SEMA3C: variants seen among roughly 807,000 people sequenced by gnomAD.
The protein encoded by SEMA3C is semaphorin-3C.
In SEMA3C, 47 loss-of-function variants were observed where a neutral mutation model predicts 89.4. The observed-to-expected ratio is 0.53, with a 90% CI of 0.42 to 0.67. The LOEUF (loss-of-function observed/expected upper bound fraction) is 0.67. SEMA3C is among the 30% of genes least tolerant of loss of function. SEMA3C has a pLI of 0.00. For missense variants in SEMA3C, 839 were observed against 929.1 expected, an observed-to-expected ratio of 0.90 and a Z score of 1.26; for synonymous variants, 310 against 320.2, an observed-to-expected ratio of 0.97 and a Z score of 0.34.
intron 12 of SEMA3C, among the ~76,000 whole-genome samples, chr7:80,775,446 C>G (rs1014964969): frequency 6.6e-6 from 1 of 151,980 alleles, no homozygotes; most frequent in Admixed American, 6.6e-5. Flanking sequence ...CCAAACAGAC[C>G]TATATGTGAT....
At chr7:80,891,758 C>G (rs546630784) in intron 2 of SEMA3C, among the ~76,000 whole-genome samples, 2 of 152,046 alleles carry the variant, frequency 1.3e-5, no homozygotes, top group Non-Finnish European at 2.9e-5. Flanking sequence ...ACTATGAGGA[C>G]TAGTGATTTC....
chr7:80,748,766 C>T (rs1787855876), intron 17 of SEMA3C, 132 bp downstream of exon 17: 1 of 866,772 alleles, frequency 1.2e-6, no homozygotes, highest in South Asian at 2.0e-5. Context: ...GAAAGTGGCA[C>T]TTGTCATCCC....
chr7:80,790,108 T>G (rs915687729), intron 11 of SEMA3C, among the ~76,000 whole-genome samples: 11 of 151,756 alleles, frequency 7.2e-5, no homozygotes, highest in African/African-American at 2.7e-4. Context: ...CATAGCAAAA[T>G]TTCATCTCTG....
intron 2 of SEMA3C, among the ~76,000 whole-genome samples, chr7:80,880,273 T>C (rs1419596129): frequency 6.6e-6 from 1 of 152,210 alleles, no homozygotes; most frequent in East Asian, 1.9e-4. Context: ...TTGTCCACAG[T>C]ACCTATCATT....
intron 6 of SEMA3C, among the ~76,000 whole-genome samples, chr7:80,806,809 C>A (rs891114902): frequency 6.6e-6 from 1 of 152,132 alleles, no homozygotes; most frequent in African/African-American, 2.4e-5. Flanking sequence ...CCTGGGCTAC[C>A]TTCAGACCGT....
At chr7:80,802,984 G>T (rs1789245573) in intron 8 of SEMA3C, among the ~76,000 whole-genome samples, 1 of 152,144 alleles carries the variant, frequency 6.6e-6, no homozygotes, top group Non-Finnish European at 1.5e-5. Context: ...CTTATAGCAT[G>T]ATGTCAGCTG....
intron 2 of SEMA3C, among the ~76,000 whole-genome samples, chr7:80,899,651 G>A (rs1016180758): frequency 6.6e-6 from 1 of 152,024 alleles, no homozygotes; most frequent in African/African-American, 2.4e-5. Context: ...TGTTGTTGAG[G>A]TCAGGCAAGT....
At chr7:80,909,274 T>G (rs73374899) in intron 2 of SEMA3C, among the ~76,000 whole-genome samples, 7,432 of 152,278 alleles carry the variant, frequency 0.049, 496 homozygotes, top group East Asian at 0.15. Context: ...TGGATCAACA[T>G]TCTGTCTCCC....
rs573252349 is a variant in SEMA3C at position 80,864,619 on chromosome 7, G to A, written c.104-35874C>T. On this transcript the variant is annotated intron_variant, in intron 2 of 17. Transcript: ENST00000265361. ...CTCACCAACACCTTACAAGAAAGGT[G>A]TTGTAAGGAGGCTCTTACAAGAGCT... Among the ~76,000 whole-genome samples, 19 of 152,246 alleles carry A rather than the reference G, an allele frequency of 1.2e-4. 1 individual carries two copies. The highest frequency in any genetic ancestry group is 4.3e-4 in the African/African-American group (18 of 41,562).
At chr7:80,888,487 G>A (rs970282390) in intron 2 of SEMA3C, among the ~76,000 whole-genome samples, 3 of 151,854 alleles carry the variant, frequency 2.0e-5, no homozygotes, top group African/African-American at 7.3e-5. Context: ...TAAATAAATA[G>A]ATAATAATTA....
chr7:80,803,979 A>T, intron 8 of SEMA3C, 127 bp downstream of exon 8: 1 of 828,362 alleles, frequency 1.2e-6, no homozygotes, highest in Non-Finnish European at 1.8e-6. Flanking sequence ...GATGATGAAT[A>T]AATGTTACAT....
chr7:80,781,085 C>A (rs1288065622), intron 12 of SEMA3C, among the ~76,000 whole-genome samples: 1 of 152,172 alleles, frequency 6.6e-6, no homozygotes, highest in Non-Finnish European at 1.5e-5. Context: ...CCAAAGCCAG[C>A]TAAGTCACAT....
Position 80,744,991 on chromosome 7 carries a change from TCTC to T in SEMA3C, c.2156_2158del (p.Gly719del), listed in dbSNP as rs1300342911. The T allele has an allele frequency of 1.2e-6, 2 of 1,614,002 alleles. No homozygotes were observed. Among genetic ancestry groups the T allele is most frequent in the Non-Finnish European group, 1.7e-6 (2 of 1,179,992 alleles). On this transcript the variant is annotated inframe_deletion, in exon 18 of 18. Transcript: ENST00000265361. ...GTCCCCTCTCATTTTCTGTGATTCA[TCTC>T]CCTGCTGATGTTGCTGCCGAGTGTC... is the stretch of plus-strand genomic sequence containing the variant.
chr7:80,814,074 TTTTTTTTTTC>T (rs1400433784), intron 5 of SEMA3C, among the ~76,000 whole-genome samples: 1 of 144,088 alleles, frequency 6.9e-6, no homozygotes, highest in Non-Finnish European at 1.5e-5. Flanking sequence ...TCTCTGTTCC[TTTTTTTTTTC>T]TTTTTTCTTT....
chr7:80,802,844 G>T, intron 8 of SEMA3C, 65 bp from the exon 9 acceptor site: 3 of 1,184,544 alleles, frequency 2.5e-6, no homozygotes, highest in Non-Finnish European at 3.7e-6. Context: ...TTAAAAATTC[G>T]ACTTGTACTC....
At chr7:80,856,844 C>T (rs1790654138) in intron 2 of SEMA3C, among the ~76,000 whole-genome samples, 1 of 152,022 alleles carries the variant, frequency 6.6e-6, no homozygotes, top group African/African-American at 2.4e-5. Flanking sequence ...TAGATTCTGC[C>T]CCCTGTGCCA....
At chr7:80,855,361 C>T (rs1009797519) in intron 2 of SEMA3C, among the ~76,000 whole-genome samples, 12 of 152,116 alleles carry the variant, frequency 7.9e-5, no homozygotes, top group Admixed American at 7.2e-4. Context: ...ATGATCATAG[C>T]TCACTGCAGT....
chr7:80,755,695 T>C (rs1027627823), intron 15 of SEMA3C, among the ~76,000 whole-genome samples: 1 of 152,024 alleles, frequency 6.6e-6, no homozygotes, highest in Non-Finnish European at 1.5e-5. Context: ...GTAAATAGTA[T>C]CACCTTACTA....
At chr7:80,906,081 C>T (rs544215062) in intron 2 of SEMA3C, among the ~76,000 whole-genome samples, 7 of 152,084 alleles carry the variant, frequency 4.6e-5, no homozygotes, top group South Asian at 2.1e-4. Context: ...TTTCTCTTAT[C>T]GATCCATAAT....
Sources: gnomAD v4.1 joint callset for allele counts (sites outside exome capture counted in the v4.1 genomes callset) on GRCh38, gnomAD v4.1.1 for gene constraint, MANE v1.5 for transcripts, NCBI Gene and HGNC (gene_info 2026-07-23, HGNC 2026-07-21) for gene names.